Variants in GARIN5A observed in about 807,000 individuals in gnomAD.
GARIN5A encodes golgi associated RAB2 interactor 5A, also known as Golgi-associated RAB2 interactor protein 5A.
chr19:50,472,157 TGTATGTATAC>T, the GARIN5A span, among the ~76,000 whole-genome samples: 1 of 150,484 alleles, frequency 6.6e-6, no homozygotes, highest in Non-Finnish European at 1.5e-5. Flanking sequence ...CGTGTGTATA[TGTATGTATAC>T]GTGTGTATAT....
the GARIN5A span, chr19:50,467,864 C>A: frequency 6.2e-7 from 1 of 1,602,502 alleles, no homozygotes; most frequent in Non-Finnish European, 8.5e-7. Flanking sequence ...CAGGTTCTGA[C>A]CCTGTCGGGT....
At chr19:50,471,908 G>A in the GARIN5A span, among the ~76,000 whole-genome samples, 1 of 145,442 alleles carries the variant, frequency 6.9e-6, no homozygotes, top group Non-Finnish European at 1.5e-5. Flanking sequence ...ATACATGTAT[G>A]TGTGTATATG....
the GARIN5A span, among the ~76,000 whole-genome samples, chr19:50,472,071 T>C: frequency 3.3e-5 from 5 of 150,328 alleles, 1 homozygote; most frequent in African/African-American, 1.2e-4. Flanking sequence ...TGTATATGTG[T>C]ATATATACAT....
the GARIN5A span, among the ~76,000 whole-genome samples, chr19:50,472,020 A>C: frequency 2.8e-5 from 4 of 144,190 alleles, no homozygotes; most frequent in Non-Finnish European, 4.4e-5. Flanking sequence ...ATACGTGTGT[A>C]TATGTATATG....
At chr19:50,471,025 C>T in the GARIN5A span, among the ~76,000 whole-genome samples, 1 of 151,908 alleles carries the variant, frequency 6.6e-6, no homozygotes, top group East Asian at 1.9e-4. Flanking sequence ...AATGGAGTGG[C>T]GTGATTACAG....
the GARIN5A span, among the ~76,000 whole-genome samples, chr19:50,469,006 C>T: frequency 5.3e-5 from 8 of 152,190 alleles, no homozygotes; most frequent in African/African-American, 1.9e-4. Flanking sequence ...GTCTGTTCCC[C>T]ACAAGTCCCC....
the GARIN5A span, among the ~76,000 whole-genome samples, chr19:50,472,263 G>GTA: frequency 1.8e-5 from 2 of 109,034 alleles, no homozygotes; most frequent in African/African-American, 1.0e-4. Flanking sequence ...ATGTATGTGT[G>GTA]TATATATGTA....
chr19:50,475,902 T>C, the GARIN5A span: 4 of 1,613,812 alleles, frequency 2.5e-6, no homozygotes, highest in Non-Finnish European at 3.4e-6. Context: ...GGAGGTAGCG[T>C]TGGAGCCGTC....
the GARIN5A span, chr19:50,475,387 C>T: frequency 6.2e-7 from 1 of 1,611,220 alleles, no homozygotes; most frequent in Non-Finnish European, 8.5e-7. Context: ...GGTCCGGGAG[C>T]TCCAGGGCTG....
At chr19:50,467,377 A>C in the GARIN5A span, among the ~76,000 whole-genome samples, 1 of 151,758 alleles carries the variant, frequency 6.6e-6, no homozygotes, top group Non-Finnish European at 1.5e-5. Flanking sequence ...TACTTCCAGA[A>C]CCAGGAGTCC....
At chr19:50,475,933 G>C in the GARIN5A span, 2 of 1,612,918 alleles carry the variant, frequency 1.2e-6, no homozygotes, top group Non-Finnish European at 1.7e-6. Flanking sequence ...CGTGGGAGAG[G>C]CTGCAACCAG....
the GARIN5A span, chr19:50,476,549 C>A: frequency 6.4e-7 from 1 of 1,571,950 alleles, no homozygotes; most frequent in Non-Finnish European, 8.6e-7. Flanking sequence ...GCCGAGATGG[C>A]GGCAGCCAGC....
chr19:50,468,158 C>T, the GARIN5A span, among the ~76,000 whole-genome samples: 649 of 152,070 alleles, frequency 4.3e-3, 5 homozygotes, highest in African/African-American at 0.015. Flanking sequence ...GTCAGGAGTT[C>T]GAGACCAGCC....
the GARIN5A span, chr19:50,476,511 A>C: frequency 1.3e-6 from 2 of 1,570,334 alleles, no homozygotes; most frequent in African/African-American, 2.7e-5. Context: ...CTCTTGGCTC[A>C]CAGCCGTCCC....
At chr19:50,473,369 T>A in the GARIN5A span, among the ~76,000 whole-genome samples, 6 of 152,192 alleles carry the variant, frequency 3.9e-5, no homozygotes, top group Admixed American at 3.9e-4. Flanking sequence ...CTTTCTTTCT[T>A]TTTTAGAGAA....
chr19:50,471,932 ATGTG>A, the GARIN5A span, among the ~76,000 whole-genome samples: 39 of 150,078 alleles, frequency 2.6e-4, no homozygotes, highest in South Asian at 4.2e-4. Context: ...ATATACATGT[ATGTG>A]TGTAAGTATA....
chr19:50,470,478 A>C, the GARIN5A span, among the ~76,000 whole-genome samples: 2 of 149,012 alleles, frequency 1.3e-5, no homozygotes, highest in Non-Finnish European at 3.0e-5. Context: ...ATGCCACTAC[A>C]CTCCAGCCTG....
At chr19:50,470,661 T>G in the GARIN5A span, among the ~76,000 whole-genome samples, 1 of 149,978 alleles carries the variant, frequency 6.7e-6, no homozygotes, top group East Asian at 2.0e-4. Flanking sequence ...ACTGCTGTTT[T>G]TTTTTTTTTT....
chr19:50,472,312 T>C, the GARIN5A span, among the ~76,000 whole-genome samples: 1 of 150,762 alleles, frequency 6.6e-6, no homozygotes, highest in East Asian at 1.9e-4. Context: ...TATATACATG[T>C]ATGTGTGTAT....
Sources: allele counts gnomAD v4.1 joint callset (sites outside exome capture counted in the v4.1 genomes callset), GRCh38; gene constraint gnomAD v4.1.1; transcripts MANE v1.5; gene names NCBI Gene and HGNC (gene_info 2026-07-23, HGNC 2026-07-21).